Variants in ARID1B observed in about 807,000 individuals in gnomAD.
ARID1B encodes the protein AT-rich interactive domain-containing protein 1B.
A neutral mutation model predicts 212.3 loss-of-function variants in ARID1B; 30 were observed. That is an observed-to-expected ratio of 0.14 (90% confidence interval 0.11 to 0.19). The LOEUF is 0.19. Ranked by LOEUF, ARID1B falls within the 10% of genes least tolerant of loss-of-function variation. The probability of loss-of-function intolerance (pLI) is 1.00; values close to 1 mark genes in which losing one functional copy is unlikely to be tolerated. For synonymous variants in ARID1B, 1,402 were observed against 1,301.7 expected (o/e 1.08, Z -1.66); for missense variants, 2,891 against 3,204.0 (o/e 0.90, Z 2.36).
chr6:157,052,019 A>C (rs1356795815), intron 4 of ARID1B, among the ~76,000 whole-genome samples: 1 of 152,214 alleles, frequency 6.6e-6, no homozygotes, highest in Non-Finnish European at 1.5e-5. Context: ...CCAGAACAGC[A>C]GTTTGCAGAA....
chr6:156,903,674 A>G (rs1376528171), intron 3 of ARID1B, among the ~76,000 whole-genome samples: 2 of 152,210 alleles, frequency 1.3e-5, no homozygotes, highest in East Asian at 3.8e-4. Context: ...ACAAAGTAAA[A>G]ATTACCATTA....
At chr6:157,194,557 A>G (rs1313162559) in intron 15 of ARID1B, 2 of 152,178 alleles carry the variant, frequency 1.3e-5, no homozygotes, top group East Asian at 1.9e-4. Flanking sequence ...ACTGAACACA[A>G]TTTCCTTCAG....
At chr6:157,103,422 T>C (rs1385887216) in intron 5 of ARID1B, among the ~76,000 whole-genome samples, 1 of 152,214 alleles carries the variant, frequency 6.6e-6, no homozygotes, top group African/African-American at 2.4e-5. Context: ...TAATACTGTG[T>C]CCAGTTGTAA....
At chr6:157,115,246 A>G (rs1787247282) in intron 6 of ARID1B, among the ~76,000 whole-genome samples, 1 of 152,220 alleles carries the variant, frequency 6.6e-6, no homozygotes, top group Non-Finnish European at 1.5e-5. Flanking sequence ...GATATTTTCT[A>G]TGTATAGAAG....
intron 4 of ARID1B, among the ~76,000 whole-genome samples, chr6:157,078,293 C>T (rs910873674): frequency 6.6e-6 from 1 of 152,146 alleles, no homozygotes; most frequent in African/African-American, 2.4e-5. Flanking sequence ...TAATCATGAG[C>T]ATTTCTGAGG....
intron 4 of ARID1B, among the ~76,000 whole-genome samples, chr6:157,079,450 A>G (rs1317467363): frequency 1.3e-5 from 2 of 152,222 alleles, no homozygotes; most frequent in Non-Finnish European, 2.9e-5. Context: ...CTCAATTCTC[A>G]TATCAATTTC....
chr6:156,975,030 A>T (rs1777139528), intron 4 of ARID1B, among the ~76,000 whole-genome samples: 1 of 152,220 alleles, frequency 6.6e-6, no homozygotes, highest in Admixed American at 6.5e-5. Context: ...AGTTCTCTTC[A>T]GTAGATACTT....
At chr6:157,123,535 A>G (rs1389768480) in intron 6 of ARID1B, among the ~76,000 whole-genome samples, 1 of 152,176 alleles carries the variant, frequency 6.6e-6, no homozygotes, top group Non-Finnish European at 1.5e-5. Flanking sequence ...GCCTGGAGCC[A>G]CCACTCCCTA....
At chr6:156,987,790 G>A (rs1294914787) in intron 4 of ARID1B, among the ~76,000 whole-genome samples, 1 of 152,220 alleles carries the variant, frequency 6.6e-6, no homozygotes. Flanking sequence ...GGCCCCATTA[G>A]CCCTTGTTTA....
At chr6:157,066,895 G>A (rs975171546) in intron 4 of ARID1B, among the ~76,000 whole-genome samples, 1 of 151,796 alleles carries the variant, frequency 6.6e-6, no homozygotes, top group Admixed American at 6.6e-5. Context: ...CTTTGGTGTG[G>A]GAGTAGAAAG....
At position 156,971,553 on chromosome 6, in the gene ARID1B, G is replaced by T. The variant is rs373214493; in HGVS notation, c.2247+35977G>T. ...CATTTGGAGGCTTAAAACAACATCT[G>T]TGTATTATTTCATAGTTTCTATGGC... On this transcript the variant is annotated intron_variant, in intron 4 of 19. Coordinates refer to ENST00000636930, the MANE Select transcript of ARID1B (RefSeq NM_001374828.1). 1.7e-4 allele frequency among the ~76,000 whole-genome samples: 26 copies of T among 152,292 alleles called. No individual in the cohort carries two copies. In the South Asian group the frequency reaches 4.8e-3, roughly 28 times the overall value.
chr6:157,159,106 CTG>C (rs1303458857), intron 8 of ARID1B, among the ~76,000 whole-genome samples: 3 of 152,364 alleles, frequency 2.0e-5, no homozygotes, highest in South Asian at 2.1e-4. Flanking sequence ...CTAATCCACA[CTG>C]TGCGCTTGAG....
At chr6:157,199,754 C>T (rs1024244330) in intron 17 of ARID1B, among the ~76,000 whole-genome samples, 1 of 151,958 alleles carries the variant, frequency 6.6e-6, no homozygotes, top group Non-Finnish European at 1.5e-5. Context: ...ACCTCTGCCT[C>T]CTGGGCTCAA....
At chr6:157,005,366 G>A (rs1199667190) in intron 4 of ARID1B, among the ~76,000 whole-genome samples, 3 of 152,104 alleles carry the variant, frequency 2.0e-5, no homozygotes, top group African/African-American at 7.2e-5. Flanking sequence ...ATATTGGCCG[G>A]GCTGTTCTCG....
intron 1 of ARID1B, among the ~76,000 whole-genome samples, chr6:156,816,624 AC>A (rs1781982754): frequency 6.6e-6 from 1 of 152,186 alleles, no homozygotes; most frequent in Non-Finnish European, 1.5e-5. Flanking sequence ...TGCTGGACTC[AC>A]TGGTATTTCC....
Position 156,778,196 on chromosome 6 carries a change from TGCCCACCACCAC to T in ARID1B, c.517_528del (p.Ala173_His176del). 3 of 1,535,340 alleles carry T rather than the reference TGCCCACCACCAC, an allele frequency of 2.0e-6. No homozygotes were observed. The highest frequency in any genetic ancestry group is 2.6e-6 in the Non-Finnish European group (3 of 1,143,664). On this transcript the variant is annotated inframe_deletion, in exon 1 of 20. Transcript: ENST00000636930. Reference sequence around the variant, plus strand: ...ACCAGCAGCACCACCACCACCACCATGCCCACCACCACCACCACCATGCCCACCACCTCCACC... The same window carrying T: ...ACCAGCAGCACCACCACCACCACCATCACCACCATGCCCACCACCTCCACC...
chr6:156,923,410 G>A (rs1008087869), intron 3 of ARID1B, among the ~76,000 whole-genome samples: 1 of 152,178 alleles, frequency 6.6e-6, no homozygotes, highest in Non-Finnish European at 1.5e-5. Flanking sequence ...TATCTGGTGG[G>A]TGGGAGCATC....
intron 6 of ARID1B, among the ~76,000 whole-genome samples, chr6:157,128,013 C>G (rs1788260240): frequency 1.3e-5 from 2 of 151,684 alleles, no homozygotes; most frequent in African/African-American, 4.8e-5. Flanking sequence ...GTGAGCCAGC[C>G]CTTTTATGCA....
intron 4 of ARID1B, among the ~76,000 whole-genome samples, chr6:156,975,093 T>A (rs529286051): frequency 1.3e-5 from 2 of 152,360 alleles, no homozygotes; most frequent in South Asian, 4.1e-4. Flanking sequence ...TTGAAGAAAC[T>A]GCCACACTGT....
Sources: allele counts gnomAD v4.1 joint callset (sites outside exome capture counted in the v4.1 genomes callset), GRCh38; gene constraint gnomAD v4.1.1; transcripts MANE v1.5; gene names NCBI Gene and HGNC (gene_info 2026-07-23, HGNC 2026-07-21).